The following GABRB2 variants were observed in gnomAD, a reference collection of about 807,000 sequenced individuals.
The protein encoded by GABRB2 is gamma-aminobutyric acid receptor subunit beta-2.
GABRB2 carries 16 observed loss-of-function variants against 54.7 expected under a neutral mutation model. The ratio of observed to expected loss-of-function variants is 0.29; its 90% CI spans 0.20 to 0.44. The LOEUF (loss-of-function observed/expected upper bound fraction) is 0.44. GABRB2 is among the 20% of genes least tolerant of loss of function. The pLI is 1.00. For synonymous variants in GABRB2, 244 were observed against 233.8 expected (o/e 1.04, Z -0.40); for missense variants, 355 against 644.0 (o/e 0.55, Z 4.86).
At chr5:161,502,759 T>C (rs1041005728) in intron 3 of GABRB2, among the ~76,000 whole-genome samples, 7 of 152,074 alleles carry the variant, frequency 4.6e-5, no homozygotes, top group African/African-American at 1.4e-4. Flanking sequence ...AAGATTAAGA[T>C]TTGGAGGCTG....
At chr5:161,524,972 G>A (rs1255175280) in intron 3 of GABRB2, among the ~76,000 whole-genome samples, 3 of 151,200 alleles carry the variant, frequency 2.0e-5, no homozygotes, top group Non-Finnish European at 4.4e-5. Flanking sequence ...ATAGGCTATG[G>A]CTTTCATTTC....
At chr5:161,479,244 G>C (rs532306607) in intron 3 of GABRB2, among the ~76,000 whole-genome samples, 1 of 152,178 alleles carries the variant, frequency 6.6e-6, no homozygotes, top group South Asian at 2.1e-4. Flanking sequence ...GTCTACATCA[G>C]ATATTCTTTA....
chr5:161,361,771 C>G (rs995108162), intron 5 of GABRB2, among the ~76,000 whole-genome samples: 1 of 151,954 alleles, frequency 6.6e-6, no homozygotes, highest in Non-Finnish European at 1.5e-5. Context: ...TGAAGGAACC[C>G]TTGAAGCCAG....
chr5:161,516,151 T>C (rs533030871), intron 3 of GABRB2, among the ~76,000 whole-genome samples: 1 of 152,254 alleles, frequency 6.6e-6, no homozygotes, highest in Non-Finnish European at 1.5e-5. Context: ...CAAGTCTGCA[T>C]ATAGTAGAAC....
chr5:161,366,212 GAACCTCTTTCAA>G (rs907153975), intron 5 of GABRB2, among the ~76,000 whole-genome samples: 1 of 151,820 alleles, frequency 6.6e-6, no homozygotes, highest in African/African-American at 2.4e-5. Context: ...CATAGAATGG[GAACCTCTTTCAA>G]AACTGGATCT....
At chr5:161,312,177 T>C (rs1282399748) in intron 9 of GABRB2, among the ~76,000 whole-genome samples, 2 of 152,224 alleles carry the variant, frequency 1.3e-5, no homozygotes, top group Non-Finnish European at 2.9e-5. Context: ...TGATGGCTTC[T>C]GTGCATTTGG....
intron 3 of GABRB2, among the ~76,000 whole-genome samples, chr5:161,532,427 G>A (rs930811620): frequency 6.6e-6 from 1 of 151,968 alleles, no homozygotes; most frequent in East Asian, 1.9e-4. Context: ...CTAAAACAGC[G>A]ATCCTCCCAG....
intron 3 of GABRB2, among the ~76,000 whole-genome samples, chr5:161,514,000 T>G (rs906940618): frequency 2.6e-5 from 4 of 152,106 alleles, no homozygotes; most frequent in African/African-American, 4.8e-5. Flanking sequence ...CAGTCAGTCA[T>G]TTTTGGCCAC....
At chr5:161,373,977 C>T (rs891278980) in intron 5 of GABRB2, among the ~76,000 whole-genome samples, 34 of 151,948 alleles carry the variant, frequency 2.2e-4, no homozygotes, top group African/African-American at 7.5e-4. Context: ...GAGTTTTGCT[C>T]GTGTTGCCCA....
intron 5 of GABRB2, among the ~76,000 whole-genome samples, chr5:161,360,009 A>T (rs1754757710): frequency 6.6e-6 from 1 of 152,078 alleles, no homozygotes; most frequent in Admixed American, 6.5e-5. Context: ...TGAACCCCGG[A>T]GGCGGAGGTT....
chr5:161,312,237 C>T (rs753568900), intron 9 of GABRB2, among the ~76,000 whole-genome samples: 10 of 152,104 alleles, frequency 6.6e-5, no homozygotes, highest in East Asian at 1.9e-4. Flanking sequence ...ATGCACCATC[C>T]GCTCTCACTC....
intron 8 of GABRB2, among the ~76,000 whole-genome samples, chr5:161,328,788 A>G (rs988424803): frequency 2.6e-5 from 4 of 152,168 alleles, no homozygotes; most frequent in Non-Finnish European, 4.4e-5. Flanking sequence ...GGGCCTCTAC[A>G]CACTAGATAC....
intron 5 of GABRB2, among the ~76,000 whole-genome samples, chr5:161,356,357 A>T (rs1384066274): frequency 6.6e-6 from 1 of 152,176 alleles, no homozygotes; most frequent in Non-Finnish European, 1.5e-5. Flanking sequence ...AATACGGCAC[A>T]TTAAAAAGGA....
At chr5:161,316,133 T>C (rs1296399297) in intron 9 of GABRB2, among the ~76,000 whole-genome samples, 1 of 152,186 alleles carries the variant, frequency 6.6e-6, no homozygotes, top group Non-Finnish European at 1.5e-5. Context: ...CTTAGAGCTA[T>C]GTAATTTTGA....
chr5:161,374,868 A>C (rs963776863), intron 5 of GABRB2, among the ~76,000 whole-genome samples: 7 of 152,056 alleles, frequency 4.6e-5, no homozygotes, highest in African/African-American at 1.5e-4. Flanking sequence ...AAGCCCAATA[A>C]TTTTTTTAAT....
intron 6 of GABRB2, 51 bp downstream of exon 6, chr5:161,336,581 A>G (rs1753999142): frequency 6.3e-7 from 1 of 1,594,492 alleles, no homozygotes; most frequent in Non-Finnish European, 8.6e-7. Context: ...AACATGTTTA[A>G]CAAAATACGG....
At chr5:161,391,431 A>G (rs1755817074) in intron 5 of GABRB2, among the ~76,000 whole-genome samples, 1 of 152,186 alleles carries the variant, frequency 6.6e-6, no homozygotes, top group African/African-American at 2.4e-5. Context: ...TTGCAAAGCA[A>G]CTTTAGCTTT....
chr5:161,356,945 T>G (rs1174685453), intron 5 of GABRB2, among the ~76,000 whole-genome samples: 3 of 152,216 alleles, frequency 2.0e-5, no homozygotes, highest in Non-Finnish European at 2.9e-5. Flanking sequence ...TGCCAGGCAC[T>G]GCACTTGGCA....
chr5:161,439,417 GA>G (rs984959071), intron 4 of GABRB2, among the ~76,000 whole-genome samples: 2 of 151,780 alleles, frequency 1.3e-5, no homozygotes, highest in Non-Finnish European at 2.9e-5. Flanking sequence ...ACTTCCATCA[GA>G]AAAAAGGCCA....
Sources: allele counts gnomAD v4.1 joint callset (sites outside exome capture counted in the v4.1 genomes callset), GRCh38; gene constraint gnomAD v4.1.1; transcripts MANE v1.5; gene names NCBI Gene and HGNC (gene_info 2026-07-23, HGNC 2026-07-21).